The following DIAPH2 variants were observed in gnomAD, a reference collection of about 807,000 sequenced individuals.
DIAPH2 encodes the protein diaphanous related formin 2.
DIAPH2 carries 35 observed loss-of-function variants against 92.7 expected under a neutral mutation model. That is an observed-to-expected ratio of 0.38 (90% CI 0.29 to 0.50). The LOEUF (loss-of-function observed/expected upper bound fraction) is 0.50. Ranked by LOEUF, DIAPH2 falls within the 20% of genes least tolerant of loss-of-function variation. DIAPH2 has a pLI of 0.94. For missense variants in DIAPH2, 701 were observed against 819.5 expected (o/e 0.86, Z 1.77); for synonymous variants, 301 against 280.4 (o/e 1.07, Z -0.73).
intron 3 of DIAPH2, 137 bp downstream of exon 3, chrX:96,738,899 T>A: frequency 2.2e-6 from 1 of 453,426 alleles, no homozygotes; most frequent in Non-Finnish European, 3.4e-6. Flanking sequence ...ATAACAAAAC[T>A]ATTTGCAAAA....
chrX:97,470,494 C>T (rs1288965192), intron 26 of DIAPH2, among the ~76,000 whole-genome samples: 6 of 110,869 alleles, frequency 5.4e-5, no homozygotes, highest in Non-Finnish European at 1.9e-5. Flanking sequence ...AATCATAGCA[C>T]AGTGATTTCT....
intron 5 of DIAPH2, among the ~76,000 whole-genome samples, chrX:96,897,737 T>C (rs765407321): frequency 9.3e-6 from 1 of 107,553 alleles, no homozygotes; most frequent in Non-Finnish European, 1.9e-5. Context: ...ATTTTATTAT[T>C]ATTATACTTT....
At chrX:97,213,282 T>G (rs2067855910) in intron 22 of DIAPH2, among the ~76,000 whole-genome samples, 1 of 112,013 alleles carries the variant, frequency 8.9e-6, no homozygotes, top group Admixed American at 9.5e-5. Flanking sequence ...ATCCCATTTT[T>G]ATTTCTCCAA....
intron 24 of DIAPH2, among the ~76,000 whole-genome samples, chrX:97,348,995 T>C (rs1042210361): frequency 9.3e-5 from 10 of 108,069 alleles, no homozygotes; most frequent in Admixed American, 7.0e-4. Context: ...TGTGTGTGTA[T>C]ATATATATGT....
chrX:97,511,354 T>G (rs2070890776), intron 26 of DIAPH2, among the ~76,000 whole-genome samples: 1 of 76,299 alleles, frequency 1.3e-5, no homozygotes, highest in African/African-American at 5.7e-5. Flanking sequence ...TTTTGTACAT[T>G]GATTTTGTAT....
chrX:97,568,766 T>A (rs2071344902), intron 26 of DIAPH2, among the ~76,000 whole-genome samples: 1 of 111,929 alleles, frequency 8.9e-6, no homozygotes, highest in South Asian at 3.7e-4. Context: ...ATTTATCTCC[T>A]TTTACTCTAG....
At chrX:96,911,284 A>C (rs1344223956) in intron 5 of DIAPH2, among the ~76,000 whole-genome samples, 1 of 111,788 alleles carries the variant, frequency 8.9e-6, no homozygotes, top group Admixed American at 9.5e-5. Flanking sequence ...CTCCAGGCTT[A>C]TTAAAGGAAA....
At chrX:96,871,536 T>A (rs767568598) in intron 4 of DIAPH2, among the ~76,000 whole-genome samples, 2 of 90,677 alleles carry the variant, frequency 2.2e-5, no homozygotes, top group South Asian at 1.0e-3. Context: ...GTGGGTGGAG[T>A]AAATGCAGTG....
intron 20 of DIAPH2, among the ~76,000 whole-genome samples, chrX:97,111,783 G>A (rs1331171308): frequency 9.0e-6 from 1 of 111,508 alleles, no homozygotes; most frequent in African/African-American, 3.3e-5. Flanking sequence ...TGAGAGTCTG[G>A]GGTCTGTAGC....
intron 23 of DIAPH2, among the ~76,000 whole-genome samples, chrX:97,338,206 A>G (rs895073831): frequency 9.0e-6 from 1 of 111,220 alleles, no homozygotes; most frequent in African/African-American, 3.3e-5. Flanking sequence ...TTTTTAGTCT[A>G]TATCTTGAAC....
intron 23 of DIAPH2, among the ~76,000 whole-genome samples, chrX:97,320,283 G>A (rs1399170687): frequency 3.6e-5 from 4 of 109,734 alleles, no homozygotes; most frequent in Non-Finnish European, 1.9e-5. Flanking sequence ...ACAGCATAAA[G>A]GACCGTATGT....
intron 26 of DIAPH2, among the ~76,000 whole-genome samples, chrX:97,509,729 A>G (rs1298026961): frequency 2.8e-5 from 3 of 106,156 alleles, no homozygotes; most frequent in African/African-American, 6.9e-5. Context: ...TCGTTGTTCA[A>G]TTCCCATCTA....
chrX:97,306,048 GA>G lies in DIAPH2; in HGVS notation c.2845-42056del, dbSNP rs11442631. Among the ~76,000 whole-genome samples the G allele has an allele frequency of 7.5e-3, 740 of 98,572 alleles. 9 individuals carry two copies. The highest frequency in any genetic ancestry group is 0.026 in the African/African-American group (702 of 26,872). The allele number at this position is 98,572 out of a possible 115,157, so 85.6% of individuals were successfully genotyped here. On this transcript the variant is annotated intron_variant, in intron 23 of 26. Coordinates refer to ENST00000324765, the MANE Select transcript of DIAPH2 (RefSeq NM_006729.5). ...AACATGATTGAATAGAAAGTATAAAGAAAAAAAAAAAACCTTCCGTACATCT... is the reference window on the plus strand; with the variant it reads ...AACATGATTGAATAGAAAGTATAAAGAAAAAAAAAAACCTTCCGTACATCT...
At chrX:97,462,022 G>A (rs1262481108) in intron 26 of DIAPH2, among the ~76,000 whole-genome samples, 2 of 111,035 alleles carry the variant, frequency 1.8e-5, no homozygotes, top group Non-Finnish European at 3.8e-5. Flanking sequence ...AGGAGGAGGG[G>A]TTATGTTTAT....
At chrX:96,782,332 C>G (rs973838845) in intron 4 of DIAPH2, among the ~76,000 whole-genome samples, 1 of 110,628 alleles carries the variant, frequency 9.0e-6, no homozygotes, top group African/African-American at 3.3e-5. Context: ...CGCTCTGTCA[C>G]CCAGGCTAGA....
intron 4 of DIAPH2, among the ~76,000 whole-genome samples, chrX:96,817,495 T>C (rs906198796): frequency 1.8e-5 from 2 of 112,018 alleles, no homozygotes; most frequent in African/African-American, 6.5e-5. Context: ...CAATGTCATA[T>C]TAACTTTTTA....
intron 22 of DIAPH2, among the ~76,000 whole-genome samples, chrX:97,192,308 AAAAAAAG>A (rs2067661163): frequency 9.3e-6 from 1 of 107,963 alleles, no homozygotes; most frequent in Non-Finnish European, 1.9e-5. Flanking sequence ...AAAAAAAAAA[AAAAAAAG>A]AAAAGAAAAG....
At chrX:97,274,006 GGTGTGTGT>G (rs55778849) in intron 23 of DIAPH2, among the ~76,000 whole-genome samples, 4,613 of 86,634 alleles carry the variant, frequency 0.053, 111 homozygotes, top group Non-Finnish European at 0.07. Context: ...TAAAACTAGC[GGTGTGTGT>G]GTGTGTGTGT....
At chrX:97,508,684 A>C (rs2070855090) in intron 26 of DIAPH2, among the ~76,000 whole-genome samples, 1 of 112,261 alleles carries the variant, frequency 8.9e-6, no homozygotes, top group African/African-American at 3.2e-5. Context: ...AAACATAGGA[A>C]AGCATGGCTT....
Sources: gnomAD v4.1 joint callset for allele counts (sites outside exome capture counted in the v4.1 genomes callset) on GRCh38, gnomAD v4.1.1 for gene constraint, MANE v1.5 for transcripts, NCBI Gene and HGNC (gene_info 2026-07-23, HGNC 2026-07-21) for gene names.